EYS: variants seen among roughly 807,000 people sequenced by gnomAD.
EYS encodes EGF-like photoreceptor maintenance factor, also known as protein eyes shut homolog.
A neutral mutation model predicts 282.1 loss-of-function variants in EYS; 250 were observed. That is an observed-to-expected ratio of 0.89 (90% CI 0.80 to 0.98). The LOEUF (loss-of-function observed/expected upper bound fraction) is 0.98. Ranked by LOEUF, EYS falls within the 50% of genes least tolerant of loss-of-function variation. EYS has a pLI of 0.00. For missense variants in EYS, 4,016 were observed against 3,709.0 expected (o/e 1.08, Z -2.15); for synonymous variants, 1,355 against 1,282.9 (o/e 1.06, Z -1.20).
intron 26 of EYS, among the ~76,000 whole-genome samples, chr6:64,544,284 C>T (rs79495673): frequency 0.019 from 2,849 of 152,260 alleles, 92 homozygotes; most frequent in African/African-American, 0.065. Context: ...TGTAGTTGCA[C>T]ACTGACTGTT....
chr6:65,257,763 T>C (rs1767508841), intron 12 of EYS, among the ~76,000 whole-genome samples: 2 of 152,100 alleles, frequency 1.3e-5, no homozygotes, highest in Non-Finnish European at 2.9e-5. Context: ...AAACTTCACA[T>C]GTTCTCACTT....
intron 2 of EYS, among the ~76,000 whole-genome samples, chr6:65,520,400 G>A (rs1391670791): frequency 1.3e-5 from 2 of 152,070 alleles, no homozygotes; most frequent in Non-Finnish European, 2.9e-5. Context: ...TGTTGAACTG[G>A]CTAATTTTCT....
intron 29 of EYS, among the ~76,000 whole-genome samples, chr6:64,354,172 G>A (rs1328105291): frequency 1.3e-5 from 2 of 151,558 alleles, no homozygotes; most frequent in Non-Finnish European, 3.0e-5. Flanking sequence ...CACAATCCCT[G>A]ATTTATTTGA....
chr6:64,992,285 T>C (rs1421848879), intron 14 of EYS, among the ~76,000 whole-genome samples: 1 of 151,934 alleles, frequency 6.6e-6, no homozygotes, highest in Non-Finnish European at 1.5e-5. Flanking sequence ...AGTTTTCATT[T>C]CGTTTTATGA....
At chr6:65,431,161 C>T (rs1271452240) in intron 5 of EYS, among the ~76,000 whole-genome samples, 1 of 152,222 alleles carries the variant, frequency 6.6e-6, no homozygotes, top group African/African-American at 2.4e-5. Context: ...TAACAACCAT[C>T]TTACTTCAGA....
chr6:64,733,708 G>T (rs955965683), intron 22 of EYS: 128 of 159,674 alleles, frequency 8.0e-4, no homozygotes, highest in African/African-American at 3.0e-3. Flanking sequence ...CTCATAATGG[G>T]CTTAGAATCA....
intron 2 of EYS, among the ~76,000 whole-genome samples, chr6:65,617,552 T>C (rs925730966): frequency 1.2e-4 from 18 of 151,928 alleles, no homozygotes; most frequent in Middle Eastern, 3.4e-3. Context: ...ATATATTTTT[T>C]AAATTTATTA....
intron 12 of EYS, among the ~76,000 whole-genome samples, chr6:65,153,535 C>A (rs12193646): frequency 6.6e-6 from 1 of 151,674 alleles, no homozygotes; most frequent in Non-Finnish European, 1.5e-5. Context: ...TTCACCATAT[C>A]TACACGAAGG....
intron 39 of EYS, among the ~76,000 whole-genome samples, chr6:63,784,123 C>T (rs903178622): frequency 2.0e-5 from 3 of 152,156 alleles, no homozygotes; most frequent in South Asian, 4.1e-4. Flanking sequence ...CTGGAACTCA[C>T]ACCACTTGCT....
At chr6:65,272,805 G>C (rs73741285) in intron 12 of EYS, among the ~76,000 whole-genome samples, 1 of 152,042 alleles carries the variant, frequency 6.6e-6, no homozygotes, top group Non-Finnish European at 1.5e-5. Context: ...ACATTAAAAA[G>C]TATAACATAT....
intron 35 of EYS, among the ~76,000 whole-genome samples, chr6:63,973,423 A>G (rs1766684849): frequency 1.3e-5 from 2 of 152,160 alleles, no homozygotes; most frequent in Non-Finnish European, 1.5e-5. Flanking sequence ...ATTATTTGTG[A>G]TGAAACAAAT....
intron 35 of EYS, among the ~76,000 whole-genome samples, chr6:63,954,332 C>A (rs1025910072): frequency 2.0e-5 from 3 of 152,154 alleles, no homozygotes; most frequent in East Asian, 1.9e-4. Flanking sequence ...ACCATTTTGC[C>A]CCCCTCCACT....
intron 2 of EYS, among the ~76,000 whole-genome samples, chr6:65,563,201 G>C (rs1173420076): frequency 1.3e-5 from 2 of 152,008 alleles, no homozygotes; most frequent in African/African-American, 4.8e-5. Context: ...TCCTAGTTTA[G>C]TACATACTCA....
intron 5 of EYS, among the ~76,000 whole-genome samples, chr6:65,432,734 C>A (rs1314330246): frequency 6.6e-6 from 1 of 152,052 alleles, no homozygotes; most frequent in African/African-American, 2.4e-5. Context: ...ATGCTCTGAC[C>A]CACATTTGAG....
chr6:65,598,499 C>A (rs1222588765), intron 2 of EYS, among the ~76,000 whole-genome samples: 1 of 152,056 alleles, frequency 6.6e-6, no homozygotes, highest in African/African-American at 2.4e-5. Context: ...CACACAATAT[C>A]TGCATTGATG....
chr6:65,619,446 A>G (rs1230417478), intron 2 of EYS, among the ~76,000 whole-genome samples: 1 of 152,060 alleles, frequency 6.6e-6, no homozygotes, highest in Non-Finnish European at 1.5e-5. Flanking sequence ...GCTTTAGGAG[A>G]TTTTGGGCTG....
At chr6:64,334,736 G>A (rs937131827) in intron 29 of EYS, among the ~76,000 whole-genome samples, 2 of 152,124 alleles carry the variant, frequency 1.3e-5, no homozygotes, top group South Asian at 2.1e-4. Flanking sequence ...AGAGTTTGTG[G>A]AAAGCTTAAT....
At chr6:64,744,590 G>A (rs957797929) in intron 22 of EYS, among the ~76,000 whole-genome samples, 2 of 152,096 alleles carry the variant, frequency 1.3e-5, no homozygotes, top group Admixed American at 1.3e-4. Context: ...AACAAAATTA[G>A]TTATTAAAAC....
Position 64,390,089 on chromosome 6 carries a change from G to T in EYS, c.5928-1249C>A, listed in dbSNP as rs538151674. On this transcript the variant is annotated intron_variant, in intron 28 of 42. Transcript: ENST00000503581. ...ACGGGCTTAAAAAACGGCACATCACGAGATTATATCCCGCACCTGGCTCCG... is the reference window on the plus strand; with the variant it reads ...ACGGGCTTAAAAAACGGCACATCACTAGATTATATCCCGCACCTGGCTCCG... Among the ~76,000 whole-genome samples, 3 of 152,202 alleles carry T rather than the reference G, an allele frequency of 2.0e-5. No individual in the cohort carries two copies. In the South Asian group the frequency reaches 6.2e-4, roughly 32 times the overall value.
Sources: allele counts gnomAD v4.1 joint callset (sites outside exome capture counted in the v4.1 genomes callset), GRCh38; gene constraint gnomAD v4.1.1; transcripts MANE v1.5; gene names NCBI Gene and HGNC (gene_info 2026-07-23, HGNC 2026-07-21).